The following SUPT20H variants were observed in gnomAD, a reference collection of about 807,000 sequenced individuals.
SUPT20H encodes SPT20 homolog, SAGA complex component, also known as transcription factor SPT20 homolog.
Under a neutral mutation model 122.8 loss-of-function variants are expected in SUPT20H, and 82 were observed. That is an observed-to-expected ratio of 0.67 (90% CI 0.56 to 0.80). The LOEUF is 0.80. SUPT20H is among the 30% of genes least tolerant of loss of function. The pLI is 0.00. For missense variants in SUPT20H, 831 were observed against 921.6 expected (o/e 0.90, Z 1.27); for synonymous variants, 291 against 313.0 (o/e 0.93, Z 0.74).
At position 37,046,566 on chromosome 13, in the gene SUPT20H, T is replaced by G. The variant is rs147141754; in HGVS notation, c.165+969A>C. ...GTGATGGGTTCCAATAAAAATTCAT[T>G]TATAAAAACATGCAGTAGGCCACAT... On this transcript the variant is annotated intron_variant, in intron 5 of 25. Coordinates refer to ENST00000350612, the MANE Select transcript of SUPT20H (RefSeq NM_001014286.3). Among the ~76,000 whole-genome samples the G allele has an allele frequency of 4.8e-4, 73 of 152,272 alleles. No homozygotes were observed. In the East Asian group the frequency reaches 0.014, roughly 29 times the overall value.
Position 37,051,511 on chromosome 13 carries a change from CAA to C in SUPT20H, c.-23_-22del, listed in dbSNP as rs753825498. The C allele has an allele frequency of 6.2e-7, 1 of 1,610,824 alleles. No homozygotes were observed. Reference sequence around the variant, plus strand: ...ACCATTATGGCATAAAATAAGGGTCCAAAAGAAGAGATAACTTATGTACGCTG... The same window carrying C: ...ACCATTATGGCATAAAATAAGGGTCCAAGAAGAGATAACTTATGTACGCTG... On this transcript the variant is annotated 5_prime_UTR_variant, in exon 2 of 26. Coordinates refer to ENST00000350612, the MANE Select transcript of SUPT20H (RefSeq NM_001014286.3).
chr13:37,035,602 C>T (rs1274590355), intron 9 of SUPT20H, among the ~76,000 whole-genome samples: 1 of 151,828 alleles, frequency 6.6e-6, no homozygotes, highest in Non-Finnish European at 1.5e-5. Context: ...CTCACTGCAA[C>T]CTTCACCTCC....
intron 22 of SUPT20H, among the ~76,000 whole-genome samples, chr13:37,017,666 C>T (rs1051727511): frequency 2.6e-5 from 4 of 152,126 alleles, no homozygotes; most frequent in African/African-American, 9.7e-5. Context: ...TCTTTTTATA[C>T]ATCAATACAA....
intron 7 of SUPT20H, among the ~76,000 whole-genome samples, chr13:37,041,878 A>G (rs1207623272): frequency 6.6e-6 from 1 of 152,232 alleles, no homozygotes; most frequent in Non-Finnish European, 1.5e-5. Flanking sequence ...AGGAAATCAA[A>G]TAGGGAAGGG....
At chr13:37,049,995 G>T (rs932233212) in intron 2 of SUPT20H, among the ~76,000 whole-genome samples, 1 of 152,100 alleles carries the variant, frequency 6.6e-6, no homozygotes, top group Non-Finnish European at 1.5e-5. Context: ...TCCCAGGAGG[G>T]TAAGGGGGAA....
intron 1 of SUPT20H, among the ~76,000 whole-genome samples, chr13:37,054,887 A>T (rs907204601): frequency 2.6e-5 from 4 of 152,102 alleles, no homozygotes; most frequent in South Asian, 2.1e-4. Flanking sequence ...CAGACCAAAA[A>T]CTCCTTAAGC....
intron 22 of SUPT20H, among the ~76,000 whole-genome samples, chr13:37,018,002 AAC>A (rs1027209363): frequency 2.6e-5 from 4 of 152,190 alleles, no homozygotes; most frequent in African/African-American, 7.2e-5. Flanking sequence ...CCAAAAAACA[AAC>A]AGTTTTTCCA....
intron 8 of SUPT20H, 44 bp downstream of exon 8, chr13:37,040,532 C>T (rs376208948): frequency 6.3e-7 from 1 of 1,594,752 alleles, no homozygotes; most frequent in Non-Finnish European, 8.6e-7. Flanking sequence ...AATAAAACTC[C>T]CAACTAAAAT....
chr13:37,021,355 A>G, intron 21 of SUPT20H, 93 bp downstream of exon 21: 1 of 1,268,092 alleles, frequency 7.9e-7, no homozygotes, highest in South Asian at 1.8e-5. Flanking sequence ...AAATAATGAC[A>G]TTAAATGCCT....
intron 1 of SUPT20H, among the ~76,000 whole-genome samples, chr13:37,057,623 GC>G: frequency 6.6e-6 from 1 of 151,722 alleles, no homozygotes; most frequent in South Asian, 2.1e-4. Flanking sequence ...GATGGCCTGA[GC>G]CCAGGAGCAG....
chr13:37,053,629 A>G (rs2068246650), intron 1 of SUPT20H, among the ~76,000 whole-genome samples: 1 of 152,070 alleles, frequency 6.6e-6, no homozygotes, highest in South Asian at 2.1e-4. Context: ...ACCATGGCAC[A>G]TGTATACCTA....
At position 37,033,518 on chromosome 13, in the gene SUPT20H, A is replaced by C. The variant is rs911934207; in HGVS notation, c.638T>G (p.Ile213Arg). 2 of 1,613,676 alleles carry C rather than the reference A, an allele frequency of 1.2e-6. No individual in the cohort carries two copies. Among genetic ancestry groups the C allele is most frequent in the Non-Finnish European group, 8.5e-7 (1 of 1,179,834 alleles). The change falls in exon 10 of 26, where the codon ATA becomes AGA. Residue 213 changes from isoleucine to arginine, a missense_variant. By Grantham distance (97) the Ile-to-Arg change is moderately conservative. Coordinates refer to ENST00000350612, the MANE Select transcript of SUPT20H (RefSeq NM_001014286.3). Reference sequence around the variant, plus strand: ...TCTGTTTGCAGTGCAGGTGACTGCTATAGAAGGATCAAGACAGAGTGGTTC... The same window carrying C: ...TCTGTTTGCAGTGCAGGTGACTGCTCTAGAAGGATCAAGACAGAGTGGTTC... ...TAEPLCLDPS[I>R]AVTCTANRLL...
rs1014256093 is a variant in SUPT20H, at chr13:37,047,405, T to C, written c.165+130A>G. 4.8e-6 allele frequency: 5 copies of C among 1,033,598 alleles called. 1 individual carries two copies. Among genetic ancestry groups the C allele is most frequent in the Admixed American group, 4.3e-5 (1 of 23,396 alleles). The allele number at this position is 1,033,598 out of a possible 1,614,324, so 64.0% of individuals were successfully genotyped here. A position where few individuals can be genotyped will look rare whatever the true frequency, so the allele number is the denominator to read the frequency against. The stretch of plus-strand genomic sequence containing the variant: ...CCAGAGCTCTGAGTCAGCTACAGAA[T>C]TGACTAGGGTCAGGTTAAAAAAGAT... On this transcript the variant is annotated intron_variant, in intron 5 of 25. Coordinates refer to ENST00000350612, the MANE Select transcript of SUPT20H (RefSeq NM_001014286.3).
Position 37,031,547 on chromosome 13 carries a change from T to G in SUPT20H, c.921+20A>C. ...CTGAGAAACTTTATATGAAAAAAAG[T>G]AATTCATGAACTGACTTACATCTAC... On this transcript the variant is annotated intron_variant, in intron 12 of 25. Transcript: ENST00000350612. 1.3e-6 allele frequency: 2 copies of G among 1,486,148 alleles called. No individual in the cohort carries two copies. The highest frequency in any genetic ancestry group is 1.8e-6 in the Non-Finnish European group (2 of 1,118,032). The allele number at this position is 1,486,148 out of a possible 1,614,324, so 92.1% of individuals were successfully genotyped here. A position where few individuals can be genotyped will look rare whatever the true frequency, so the allele number is the denominator to read the frequency against.
intron 7 of SUPT20H, among the ~76,000 whole-genome samples, chr13:37,041,737 T>C (rs2065508380): frequency 6.6e-6 from 1 of 152,202 alleles, no homozygotes; most frequent in Non-Finnish European, 1.5e-5. Flanking sequence ...ATGCCTACTA[T>C]GTGCTAGGCA....
At chr13:37,014,452 TTCA>T (rs2060100293) in intron 23 of SUPT20H, among the ~76,000 whole-genome samples, 1 of 152,104 alleles carries the variant, frequency 6.6e-6, no homozygotes, top group Non-Finnish European at 1.5e-5. Flanking sequence ...ATATGGAGTA[TTCA>T]TCAAGACAGA....
At chr13:37,021,974 T>G in intron 20 of SUPT20H, 37 bp downstream of exon 20, 2 of 1,525,768 alleles carry the variant, frequency 1.3e-6, no homozygotes, top group Non-Finnish European at 1.8e-6. Flanking sequence ...GAAACTATCT[T>G]TATAAAAAAA....
rs779924914 is a variant in SUPT20H at position 37,044,176 on chromosome 13, C to T, written c.298G>A (p.Glu100Lys). 5 of 1,600,668 alleles carry T rather than the reference C, an allele frequency of 3.1e-6. No homozygotes were observed. The highest frequency in any genetic ancestry group is 1.1e-5 in the South Asian group (1 of 87,726). Residue 100 changes from glutamate (E) to lysine (K), a missense_variant, in exon 7 of 26, where the codon GAG becomes AAG. Glu to Lys is a moderately conservative substitution (Grantham distance 56, BLOSUM62 1). Coordinates refer to ENST00000350612, the MANE Select transcript of SUPT20H (RefSeq NM_001014286.3). The stretch of plus-strand genomic sequence containing the variant: ...TCTTCATAGGGCAGTCGAATGGTCT[C>T]GGAATCTTAATTTAAAACATGAAGT... ...MLRGKNGSDSETIRLPYEEGE... is the reference protein window; with the variant it reads ...MLRGKNGSDSKTIRLPYEEGE...
chr13:37,023,770 T>C (rs17054810), intron 19 of SUPT20H: 4,389 of 288,336 alleles, frequency 0.015, 186 homozygotes, highest in African/African-American at 0.088. Flanking sequence ...CCAGGTTATT[T>C]TTTTAAGGAG....
Sources: allele counts gnomAD v4.1 joint callset (sites outside exome capture counted in the v4.1 genomes callset), GRCh38; gene constraint gnomAD v4.1.1; transcripts MANE v1.5; gene names NCBI Gene and HGNC (gene_info 2026-07-23, HGNC 2026-07-21).